Variants in MALRD1 observed in about 807,000 individuals in gnomAD.
MALRD1 encodes the protein MAM and LDL-receptor class A domain-containing protein 1.
MALRD1 carries 247 observed loss-of-function variants against 242.1 expected under a neutral mutation model. The observed-to-expected ratio is 1.02, with a 90% CI of 0.92 to 1.13. The LOEUF is 1.13. Ranked by LOEUF, MALRD1 falls within the 50% of genes most tolerant of loss-of-function variation. The pLI, the probability that MALRD1 is intolerant of heterozygous loss-of-function variation, is 0.00. For missense variants in MALRD1, 2,989 were observed against 2,533.1 expected (o/e 1.18, Z -3.86); for synonymous variants, 995 against 866.6 (o/e 1.15, Z -2.60).
At chr10:19,323,870 C>G (rs761333877) in intron 21 of MALRD1, 79 bp from the exon 22 acceptor site, 2 of 1,386,016 alleles carry the variant, frequency 1.4e-6, no homozygotes, top group Non-Finnish European at 2.0e-6. Flanking sequence ...CTCAGCCTCC[C>G]AAATTCCTGG....
At chr10:19,581,270 C>A (rs1049671109) in intron 33 of MALRD1, among the ~76,000 whole-genome samples, 2 of 151,240 alleles carry the variant, frequency 1.3e-5, no homozygotes, top group Non-Finnish European at 2.9e-5. Context: ...GCACAATGTG[C>A]AGGTTAGTTA....
At chr10:19,372,867 G>GT (rs1171097173) in intron 26 of MALRD1, among the ~76,000 whole-genome samples, 1 of 152,086 alleles carries the variant, frequency 6.6e-6, no homozygotes, top group Non-Finnish European at 1.5e-5. Context: ...TAACAAATAC[G>GT]TAAGACTGGT....
At chr10:19,626,636 G>A (rs140896624) in intron 36 of MALRD1, among the ~76,000 whole-genome samples, 111 of 151,480 alleles carry the variant, frequency 7.3e-4, no homozygotes, top group African/African-American at 2.6e-3. Context: ...AATATATAGA[G>A]GCCTATACTG....
At chr10:19,582,092 GT>G (rs1223162838) in intron 33 of MALRD1, among the ~76,000 whole-genome samples, 9 of 151,888 alleles carry the variant, frequency 5.9e-5, no homozygotes, top group Non-Finnish European at 1.3e-4. Context: ...TTGTAAATTT[GT>G]TTGAGTTCAT....
At chr10:19,403,016 GAC>G (rs1846937554) in intron 28 of MALRD1, among the ~76,000 whole-genome samples, 1 of 151,820 alleles carries the variant, frequency 6.6e-6, no homozygotes, top group Admixed American at 6.6e-5. Flanking sequence ...AAAAAAATAA[GAC>G]ATTTATAGTG....
intron 21 of MALRD1, among the ~76,000 whole-genome samples, chr10:19,305,601 A>G (rs1449411261): frequency 6.6e-6 from 1 of 150,848 alleles, no homozygotes; most frequent in Non-Finnish European, 1.5e-5. Context: ...ATGATCTTTC[A>G]TTTCTTTTCC....
chr10:19,196,952 C>T (rs1243571003), intron 14 of MALRD1, among the ~76,000 whole-genome samples: 3 of 152,118 alleles, frequency 2.0e-5, no homozygotes, highest in Non-Finnish European at 2.9e-5. Context: ...TGTTTTCACA[C>T]TGCTCTAAAG....
chr10:19,348,626 T>C (rs1844233216), intron 25 of MALRD1, among the ~76,000 whole-genome samples: 1 of 152,138 alleles, frequency 6.6e-6, no homozygotes, highest in African/African-American at 2.4e-5. Flanking sequence ...TAAGGTTGTA[T>C]GGTTCTTTGG....
chr10:19,508,835 A>G (rs1034511513), intron 31 of MALRD1, among the ~76,000 whole-genome samples: 16 of 152,222 alleles, frequency 1.1e-4, no homozygotes, highest in Admixed American at 3.3e-4. Flanking sequence ...TGCATAGGTA[A>G]AGAAGGCTTT....
chr10:19,632,601 AC>A (rs1839955104), intron 36 of MALRD1, among the ~76,000 whole-genome samples: 1 of 152,124 alleles, frequency 6.6e-6, no homozygotes. Flanking sequence ...GTAAATGATT[AC>A]CAACATTGTT....
intron 5 of MALRD1, among the ~76,000 whole-genome samples, chr10:19,114,894 T>C (rs1836816080): frequency 2.0e-5 from 3 of 152,244 alleles, no homozygotes; most frequent in Admixed American, 1.3e-4. Flanking sequence ...TGTCTTCACA[T>C]GGTCATTCTA....
chr10:19,232,702 C>G (rs748046658), intron 18 of MALRD1, among the ~76,000 whole-genome samples: 6 of 152,112 alleles, frequency 3.9e-5, no homozygotes, highest in Non-Finnish European at 8.8e-5. Flanking sequence ...GAATAGAGAA[C>G]AATTTCATAT....
intron 36 of MALRD1, among the ~76,000 whole-genome samples, chr10:19,616,425 A>G (rs1839161108): frequency 6.6e-6 from 1 of 152,080 alleles, no homozygotes; most frequent in South Asian, 2.1e-4. Flanking sequence ...AAGCAAGAGT[A>G]AACAAAAATA....
chr10:19,302,052 AGAGT>A (rs1413295118), intron 21 of MALRD1, among the ~76,000 whole-genome samples: 1 of 151,884 alleles, frequency 6.6e-6, no homozygotes, highest in East Asian at 1.9e-4. Context: ...AATCAAAACC[AGAGT>A]GAGATACCAC....
chr10:19,611,338 G>A lies in MALRD1; in HGVS notation c.6070+3436G>A, dbSNP rs563054119. ...CACCTGTCACTTCCCTAGTCTCTGC[G>A]TACATTAAGGGGGAAAAATGAAGGC... On this transcript the variant is annotated intron_variant, in intron 35 of 39. Coordinates refer to ENST00000454679, the MANE Select transcript of MALRD1 (RefSeq NM_001142308.3). Among the ~76,000 whole-genome samples the A allele has an allele frequency of 1.2e-3, 181 of 151,986 alleles. 1 individual carries two copies. The highest frequency in any genetic ancestry group is 3.7e-3 in the African/African-American group (152 of 41,524).
At chr10:19,216,649 A>C (rs1837326643) in intron 18 of MALRD1, among the ~76,000 whole-genome samples, 1 of 152,006 alleles carries the variant, frequency 6.6e-6, no homozygotes, top group Non-Finnish European at 1.5e-5. Flanking sequence ...ATAACAGTAA[A>C]GATGTGGAGA....
At chr10:19,231,650 C>A (rs560422911) in intron 18 of MALRD1, among the ~76,000 whole-genome samples, 1 of 152,092 alleles carries the variant, frequency 6.6e-6, no homozygotes, top group East Asian at 1.9e-4. Context: ...TTAAGATGTG[C>A]CTTTGCTTCT....
At chr10:19,694,835 A>G (rs1242031095) in intron 38 of MALRD1, among the ~76,000 whole-genome samples, 2 of 152,230 alleles carry the variant, frequency 1.3e-5, no homozygotes, top group African/African-American at 2.4e-5. Flanking sequence ...ATGTCCAACA[A>G]TGATAGACTG....
At chr10:19,602,154 C>A in intron 34 of MALRD1, among the ~76,000 whole-genome samples, 2 of 104,922 alleles carry the variant, frequency 1.9e-5, no homozygotes, top group East Asian at 3.1e-4. Flanking sequence ...TGCCAATTTT[C>A]TTTTTTTTTT....
Sources: allele counts gnomAD v4.1 joint callset (sites outside exome capture counted in the v4.1 genomes callset), GRCh38; gene constraint gnomAD v4.1.1; transcripts MANE v1.5; gene names NCBI Gene and HGNC (gene_info 2026-07-23, HGNC 2026-07-21).